The following PLAUR variants were observed in gnomAD, a reference collection of about 807,000 sequenced individuals.
PLAUR encodes plasminogen activator, urokinase receptor.
PLAUR carries 22 observed loss-of-function variants against 33.4 expected under a neutral mutation model. The observed-to-expected ratio is 0.66, with a 90% confidence interval of 0.47 to 0.94. The LOEUF is 0.94. Ranked by LOEUF, PLAUR falls within the 40% of genes least tolerant of loss-of-function variation. The pLI, the probability that PLAUR is intolerant of heterozygous loss-of-function variation, is 0.00. For synonymous variants in PLAUR, 148 were observed against 167.3 expected (o/e 0.88, Z 0.89); for missense variants, 408 against 434.7 (o/e 0.94, Z 0.55).
At position 43,655,514 on chromosome 19, in the gene PLAUR, A is replaced by T. The variant is rs747046808; in HGVS notation, c.532T>A (p.Ser178Thr). Residue 178 changes from serine (S) to threonine (T), a missense_variant, in exon 5 of 7, where the codon TCC (serine) becomes ACC (threonine). Transcript: ENST00000340093. ...GCGYLPGCPG[S>T]NGFHNNDTFH... ...GTGTCGTTGTTGTGGAAACCATTGG[A>T]GCCCGGGCAGCCGGGAAGGTAGCCA... 5 of 1,614,052 alleles carry T rather than the reference A, an allele frequency of 3.1e-6. No individual in the cohort carries two copies. The highest frequency in any genetic ancestry group is 3.4e-6 in the Non-Finnish European group (4 of 1,180,030).
chr19:43,666,565 CCTTTCTTT>C (rs752857990), intron 2 of PLAUR, among the ~76,000 whole-genome samples: 1 of 136,958 alleles, frequency 7.3e-6, no homozygotes, highest in South Asian at 2.5e-4. Context: ...CTCTTCCTTT[CCTTTCTTT>C]CTTTCTTTCT....
At chr19:43,664,382 C>T (rs1018124242) in intron 3 of PLAUR, among the ~76,000 whole-genome samples, 5 of 152,180 alleles carry the variant, frequency 3.3e-5, no homozygotes, top group African/African-American at 1.2e-4. Flanking sequence ...TGGATCCATG[C>T]ACCATGGACC....
chr19:43,652,319 CT>C lies in PLAUR; in HGVS notation c.659del (p.Lys220ArgfsTer22), dbSNP rs768054842. 2.5e-6 allele frequency: 4 copies of C among 1,613,958 alleles called. No individual in the cohort carries two copies. The highest frequency in any genetic ancestry group is 1.1e-5 in the South Asian group (1 of 91,080). ...AGGAGCATCCATGGGTGCTGTTCCCCTTGCAGCTGTAACACTGGCGGCCATT... is the reference window on the plus strand; with the variant it reads ...AGGAGCATCCATGGGTGCTGTTCCCCTGCAGCTGTAACACTGGCGGCCATT... ...PQNGRQCYSC[K>X]GNSTHGCSSE... On this transcript the variant is annotated frameshift_variant, in exon 6 of 7. Coordinates refer to ENST00000340093, the MANE Select transcript of PLAUR (RefSeq NM_002659.4). LOFTEE classifies it high-confidence loss of function.
chr19:43,660,082 C>T (rs1209661709), intron 3 of PLAUR, among the ~76,000 whole-genome samples: 2 of 151,936 alleles, frequency 1.3e-5, no homozygotes, highest in Non-Finnish European at 2.9e-5. Flanking sequence ...TTCAGGATAC[C>T]TTGTAAGGTT....
chr19:43,663,826 CAA>C (rs111463069), intron 3 of PLAUR, among the ~76,000 whole-genome samples: 1 of 132,664 alleles, frequency 7.5e-6, no homozygotes. Context: ...CAAAAGGAAA[CAA>C]AAAAAAAAAG....
chr19:43,656,433 G>T, intron 4 of PLAUR, 46 bp downstream of exon 4: 4 of 1,517,068 alleles, frequency 2.6e-6, no homozygotes, highest in Non-Finnish European at 2.7e-6. Context: ...CAGTCTTAGG[G>T]AGGAGCAGAG....
Position 43,665,296 on chromosome 19 carries a change from G to A in PLAUR, c.310+20C>T. 6.2e-7 allele frequency: 1 copy of A among 1,612,372 alleles called. No individual in the cohort carries two copies. Among genetic ancestry groups the A allele is most frequent in the Non-Finnish European group, 8.5e-7 (1 of 1,178,638 alleles). On this transcript the variant is annotated intron_variant, in intron 3 of 6. Transcript: ENST00000340093. Reference sequence around the variant, plus strand: ...TGGGGATGGCTTGGGGTTGGGGATGGCAAGGGCTGCCCTACTCACCAGAGT... The same window carrying A: ...TGGGGATGGCTTGGGGTTGGGGATGACAAGGGCTGCCCTACTCACCAGAGT...
At chr19:43,669,619 C>T (rs1967433840) in intron 1 of PLAUR, among the ~76,000 whole-genome samples, 1 of 151,462 alleles carries the variant, frequency 6.6e-6, no homozygotes, top group African/African-American at 2.4e-5. Flanking sequence ...TGAGACCATC[C>T]TGGCTAACAG....
At chr19:43,651,607 G>A (rs1973997763) in intron 6 of PLAUR, 1 of 163,818 alleles carries the variant, frequency 6.1e-6, no homozygotes, top group African/African-American at 2.4e-5. Context: ...GCTAATTTTT[G>A]TAATTTTTTG....
rs1967173032 is a variant in PLAUR, at chr19:43,665,216, G to C, written c.310+100C>G. 4 of 1,235,114 alleles carry C rather than the reference G, an allele frequency of 3.2e-6. No individual in the cohort carries two copies. The South Asian group carries it at 5.0e-5, about 16-fold the overall frequency. The allele number at this position is 1,235,114 out of a possible 1,614,324, so 76.5% of individuals were successfully genotyped here. ...TGGGACTTGGATAAGGCATGGAGTT[G>C]GGGTTCAGCTGATGTAAAGTTAAGA... On this transcript the variant is annotated intron_variant, in intron 3 of 6. Transcript: ENST00000340093.
rs772236792 is a variant in PLAUR at position 43,667,731 on chromosome 19, C to A, written c.56-40G>T. On this transcript the variant is annotated intron_variant, in intron 1 of 6. Transcript: ENST00000340093. ...GAGAGGAGAGGAGAGGTTAACTACGCTTAGCTCCAAGACCCCCGCTCACCC... is the reference window on the plus strand; with the variant it reads ...GAGAGGAGAGGAGAGGTTAACTACGATTAGCTCCAAGACCCCCGCTCACCC... 16 of 1,606,484 alleles carry A rather than the reference C, an allele frequency of 1.0e-5. No individual in the cohort carries two copies. In the African/African-American group the frequency reaches 1.6e-4, roughly 16 times the overall value.
intron 6 of PLAUR, among the ~76,000 whole-genome samples, chr19:43,650,904 A>G (rs1329666837): frequency 1.3e-5 from 2 of 151,592 alleles, no homozygotes; most frequent in South Asian, 2.1e-4. Context: ...ATGGTGGCTC[A>G]TGCCTGTAAT....
In PLAUR at chr19:43,655,583, C is replaced by T; in HGVS notation, c.473-10G>A. ...TCATCCTTTGGACGCCCTATGGGGG[C>T]CAGGGGACAGAGGTCAGATGTCAGA... is the stretch of plus-strand genomic sequence containing the variant. On this transcript the variant is annotated splice_polypyrimidine_tract_variant and intron_variant, in intron 4 of 6. Transcript: ENST00000340093. 6.2e-7 allele frequency: 1 copy of T among 1,612,062 alleles called. No homozygotes were observed. Among genetic ancestry groups the T allele is most frequent in the East Asian group, 2.2e-5 (1 of 44,862 alleles).
Position 43,670,123 on chromosome 19 carries a change from C to A in PLAUR, c.-3G>T, listed in dbSNP as rs775082136. On this transcript the variant is annotated 5_prime_UTR_variant, in exon 1 of 7. Coordinates refer to ENST00000340093, the MANE Select transcript of PLAUR (RefSeq NM_002659.4). ...GGCAGCAGCGGCGGGTGACCCATGT[C>A]GCGAGGGCAGCTCCTGTGCGCGGGG... 1 of 1,609,974 alleles carries A rather than the reference C, an allele frequency of 6.2e-7. No homozygotes were observed. Among genetic ancestry groups the A allele is most frequent in the South Asian group, 1.1e-5 (1 of 90,994 alleles).
At position 43,655,442 on chromosome 19, in the gene PLAUR, G is replaced by T. The variant is rs1293303741; in HGVS notation, c.604C>A (p.Pro202Thr). The T allele has an allele frequency of 6.2e-7, 1 of 1,614,126 alleles. No individual in the cohort carries two copies. Among genetic ancestry groups the T allele is most frequent in the South Asian group, 1.1e-5 (1 of 91,066 alleles). The part of the protein sequence containing the change: ...CCNTTKCNEG[P>T]ILELENLPQN... ...GCCTGTGTCTCCCGTTCCTTACTTG[G>T]GCCCTCGTTGCATTTGGTGGTGTTG... Residue 202 changes from proline to threonine, a missense_variant, in exon 5 of 7, where the codon CCA becomes ACA. By Grantham distance (38) the Pro-to-Thr change is conservative. Transcript: ENST00000340093.
intron 5 of PLAUR, among the ~76,000 whole-genome samples, chr19:43,653,152 C>T (rs1974066189): frequency 6.6e-6 from 1 of 152,130 alleles, no homozygotes; most frequent in South Asian, 2.1e-4. Flanking sequence ...AATCTGGTAG[C>T]CACTGGCCAC....
intron 6 of PLAUR, among the ~76,000 whole-genome samples, chr19:43,649,379 ACT>A (rs1239834188): frequency 1.1e-4 from 16 of 151,444 alleles, no homozygotes; most frequent in Non-Finnish European, 1.9e-4. Context: ...ACATAGCAAA[ACT>A]CTGTTTCTAC....
chr19:43,659,809 C>G (rs765133100), intron 3 of PLAUR, among the ~76,000 whole-genome samples: 6 of 152,190 alleles, frequency 3.9e-5, no homozygotes, highest in Non-Finnish European at 8.8e-5. Context: ...CTCCTTAATC[C>G]TTTTGCTCTG....
intron 3 of PLAUR, among the ~76,000 whole-genome samples, chr19:43,659,156 T>C (rs1028226976): frequency 2.1e-3 from 76 of 35,690 alleles, no homozygotes; most frequent in African/African-American, 8.0e-3. Context: ...TTTTCCTTTT[T>C]CTTTTCTTTT....
Sources: gnomAD v4.1 joint callset for allele counts (sites outside exome capture counted in the v4.1 genomes callset) on GRCh38, gnomAD v4.1.1 for gene constraint, MANE v1.5 for transcripts, NCBI Gene and HGNC (gene_info 2026-07-23, HGNC 2026-07-21) for gene names.